The following COL25A1 variants were observed in gnomAD, a reference collection of about 807,000 sequenced individuals.
COL25A1 encodes the protein collagen alpha-1(XXV) chain.
COL25A1 carries 103 observed loss-of-function variants against 128.4 expected under a neutral mutation model. That is an observed-to-expected ratio of 0.80 (90% confidence interval 0.68 to 0.94). COL25A1 has a LOEUF of 0.94. Ranked by LOEUF, COL25A1 falls within the 40% of genes least tolerant of loss-of-function variation. COL25A1 has a pLI of 0.00. For missense variants in COL25A1, 745 were observed against 840.0 expected (o/e 0.89, Z 1.40); for synonymous variants, 279 against 277.2 (o/e 1.01, Z -0.06).
Position 108,852,028 on chromosome 4 carries a change from T to C in COL25A1, c.1389+208A>G, listed in dbSNP as rs373950486. Among the ~76,000 whole-genome samples, 23 of 152,260 alleles carry C rather than the reference T, an allele frequency of 1.5e-4. No homozygotes were observed. The South Asian group carries it at 2.7e-3, about 18-fold the overall frequency. ...GTCTTCCCTAAATTAAATTTCTCTC[T>C]CTTCTTTTCCTATTTTCCCTTCTTC... is the stretch of plus-strand genomic sequence containing the variant. On this transcript the variant is annotated intron_variant, in intron 26 of 37. Coordinates refer to ENST00000399132, the MANE Select transcript of COL25A1 (RefSeq NM_198721.4).
intron 37 of COL25A1, among the ~76,000 whole-genome samples, chr4:108,815,378 A>G (rs1440114879): frequency 2.4e-5 from 1 of 41,446 alleles, no homozygotes; most frequent in East Asian, 9.5e-4. Flanking sequence ...AATATAATTT[A>G]AAAAATAGTT....
chr4:109,242,672 T>C (rs111787657), intron 3 of COL25A1, among the ~76,000 whole-genome samples: 1 of 152,146 alleles, frequency 6.6e-6, no homozygotes, highest in Non-Finnish European at 1.5e-5. Context: ...TAAAAATAGA[T>C]AGAAGTGACT....
At chr4:108,947,270 C>T (rs530902032) in intron 8 of COL25A1, among the ~76,000 whole-genome samples, 13 of 151,882 alleles carry the variant, frequency 8.6e-5, no homozygotes, top group Non-Finnish European at 1.6e-4. Context: ...GGTGAAACCC[C>T]GTCCCTACTA....
chr4:109,278,688 CA>C (rs1723079437), intron 3 of COL25A1, among the ~76,000 whole-genome samples: 1 of 152,146 alleles, frequency 6.6e-6, no homozygotes, highest in Non-Finnish European at 1.5e-5. Context: ...CTTCTAGTTT[CA>C]ATTCTGTTTA....
intron 18 of COL25A1, among the ~76,000 whole-genome samples, chr4:108,886,916 C>T (rs1169282784): frequency 1.3e-5 from 2 of 152,016 alleles, no homozygotes; most frequent in Non-Finnish European, 2.9e-5. Context: ...GAGAGTTTAA[C>T]TGTGAGGGGC....
chr4:109,050,028 C>T, intron 4 of COL25A1, 107 bp downstream of exon 4: 1 of 799,054 alleles, frequency 1.3e-6, no homozygotes, highest in East Asian at 2.7e-5. Context: ...GATTTAAACA[C>T]ACACATATAA....
chr4:109,054,665 CA>C lies in COL25A1; in HGVS notation c.368-4487del, dbSNP rs1761297521. 5.3e-5 allele frequency among the ~76,000 whole-genome samples: 8 copies of C among 152,272 alleles called. No individual in the cohort carries two copies. In the South Asian group the frequency reaches 1.7e-3, roughly 32 times the overall value. ...AAGAAAAATCATAAAATACCTCAAACAGTAGAAAATATTCCAAAAAATACTC... is the reference window on the plus strand; with the variant it reads ...AAGAAAAATCATAAAATACCTCAAACGTAGAAAATATTCCAAAAAATACTC... On this transcript the variant is annotated intron_variant, in intron 3 of 37. Transcript: ENST00000399132.
chr4:108,856,585 C>T (rs1437188110), intron 24 of COL25A1, among the ~76,000 whole-genome samples: 1 of 152,126 alleles, frequency 6.6e-6, no homozygotes, highest in Non-Finnish European at 1.5e-5. Context: ...GTTAGGGAAA[C>T]CAATAGTTTT....
chr4:109,074,713 A>T (rs1029533748), intron 3 of COL25A1, among the ~76,000 whole-genome samples: 13 of 152,312 alleles, frequency 8.5e-5, no homozygotes, highest in African/African-American at 3.1e-4. Flanking sequence ...TGATTTACTC[A>T]TTTATAATAG....
intron 3 of COL25A1, among the ~76,000 whole-genome samples, chr4:109,234,076 A>G (rs1779322083): frequency 6.6e-6 from 1 of 152,170 alleles, no homozygotes; most frequent in South Asian, 2.1e-4. Flanking sequence ...AGCCTTATTC[A>G]ATCTTACTGC....
intron 3 of COL25A1, among the ~76,000 whole-genome samples, chr4:109,195,685 A>G (rs1775982798): frequency 6.6e-6 from 1 of 152,210 alleles, no homozygotes; most frequent in South Asian, 2.1e-4. Flanking sequence ...CCAGACTGTC[A>G]TATTGAACAG....
At chr4:108,911,558 C>T (rs919664654) in intron 13 of COL25A1, among the ~76,000 whole-genome samples, 1 of 152,168 alleles carries the variant, frequency 6.6e-6, no homozygotes, top group Non-Finnish European at 1.5e-5. Context: ...TGGTGCCTCA[C>T]ACTTAGTGAG....
intron 3 of COL25A1, among the ~76,000 whole-genome samples, chr4:109,157,612 T>A (rs1772158758): frequency 6.6e-6 from 1 of 152,220 alleles, no homozygotes; most frequent in South Asian, 2.1e-4. Context: ...GAGATAGTAA[T>A]ACATTCAAAA....
chr4:109,040,528 T>C lies in COL25A1; in HGVS notation c.420+7640A>G, dbSNP rs1046158505. Among the ~76,000 whole-genome samples the C allele has an allele frequency of 1.3e-5, 2 of 152,232 alleles. 1 individual carries two copies. The highest frequency in any genetic ancestry group is 1.3e-4 in the Admixed American group (2 of 15,290). Reference sequence around the variant, plus strand: ...AAGCTGCTTTGTAACAGCACTTTATTTTCAAGTGGCTTTCTTGAATATAGC... The same window carrying C: ...AAGCTGCTTTGTAACAGCACTTTATCTTCAAGTGGCTTTCTTGAATATAGC... On this transcript the variant is annotated intron_variant, in intron 5 of 37. Coordinates refer to ENST00000399132, the MANE Select transcript of COL25A1 (RefSeq NM_198721.4).
chr4:109,294,617 A>T (rs569619410), intron 3 of COL25A1, among the ~76,000 whole-genome samples: 43 of 152,226 alleles, frequency 2.8e-4, no homozygotes, highest in African/African-American at 1.0e-3. Flanking sequence ...GGATGCATCT[A>T]TATTTAACCA....
chr4:109,281,042 G>A (rs1279850109), intron 3 of COL25A1, among the ~76,000 whole-genome samples: 2 of 152,102 alleles, frequency 1.3e-5, no homozygotes, highest in African/African-American at 4.8e-5. Context: ...GACAAAGGAA[G>A]CACATCTTAA....
intron 5 of COL25A1, among the ~76,000 whole-genome samples, chr4:109,045,411 G>T (rs1374473500): frequency 6.6e-6 from 1 of 152,038 alleles, no homozygotes; most frequent in African/African-American, 2.4e-5. Flanking sequence ...CAGTAATTGG[G>T]TATTGCCTCT....
rs371313537 is a variant in COL25A1, at chr4:109,258,230, C to A, written c.367+42353G>T. 1.5e-4 allele frequency among the ~76,000 whole-genome samples: 23 copies of A among 152,170 alleles called. 1 individual carries two copies. The highest frequency in any genetic ancestry group is 1.2e-3 in the East Asian group (6 of 5,198). On this transcript the variant is annotated intron_variant, in intron 3 of 37. Coordinates refer to ENST00000399132, the MANE Select transcript of COL25A1 (RefSeq NM_198721.4). The stretch of plus-strand genomic sequence containing the variant: ...AATATTCCTAAAACACTGTTTTGAC[C>A]ATATTACACTTCTGTGCAGAAATCA...
At chr4:109,113,354 T>C (rs554207833) in intron 3 of COL25A1, among the ~76,000 whole-genome samples, 1 of 152,230 alleles carries the variant, frequency 6.6e-6, no homozygotes, top group African/African-American at 2.4e-5. Flanking sequence ...AATTCCAAAG[T>C]GATCCTCTAA....
Sources: allele counts gnomAD v4.1 joint callset (sites outside exome capture counted in the v4.1 genomes callset), GRCh38; gene constraint gnomAD v4.1.1; transcripts MANE v1.5; gene names NCBI Gene and HGNC (gene_info 2026-07-23, HGNC 2026-07-21).